CNTN5: variants seen among roughly 807,000 people sequenced by gnomAD.
CNTN5 encodes the protein contactin 5.
Under a neutral mutation model 129.1 loss-of-function variants are expected in CNTN5, and 77 were observed. The ratio of observed to expected loss-of-function variants is 0.60; its 90% CI spans 0.50 to 0.72. CNTN5 has a LOEUF of 0.72. CNTN5 is among the 30% of genes least tolerant of loss of function. The pLI, the probability that CNTN5 is intolerant of heterozygous loss-of-function variation, is 0.00. For synonymous variants in CNTN5, 509 were observed against 465.6 expected, an observed-to-expected ratio of 1.09 and a Z score of -1.20; for missense variants, 1,478 against 1,328.8, an observed-to-expected ratio of 1.11 and a Z score of -1.75.
intron 3 of CNTN5, among the ~76,000 whole-genome samples, chr11:99,758,269 C>T (rs978928921): frequency 1.3e-5 from 2 of 151,846 alleles, no homozygotes; most frequent in African/African-American, 4.8e-5. Context: ...TTTAATTGTT[C>T]AACCAATCAA....
intron 1 of CNTN5, among the ~76,000 whole-genome samples, chr11:99,265,330 A>T (rs1370641805): frequency 1.3e-5 from 2 of 152,064 alleles, no homozygotes; most frequent in Non-Finnish European, 2.9e-5. Context: ...AGTAAGAAAG[A>T]GTATAGATTT....
chr11:99,409,725 A>C (rs548768158), intron 2 of CNTN5, among the ~76,000 whole-genome samples: 1 of 152,200 alleles, frequency 6.6e-6, no homozygotes, highest in Non-Finnish European at 1.5e-5. Context: ...AACTCGTTGA[A>C]TTGCTTAGAG....
At chr11:100,053,870 C>A (rs139968227) in intron 9 of CNTN5, among the ~76,000 whole-genome samples, 3 of 151,674 alleles carry the variant, frequency 2.0e-5, no homozygotes, top group African/African-American at 4.8e-5. Flanking sequence ...ATATACTCCT[C>A]GGCGATTAAA....
At chr11:99,360,411 C>G (rs1939025534) in intron 2 of CNTN5, among the ~76,000 whole-genome samples, 1 of 152,192 alleles carries the variant, frequency 6.6e-6, no homozygotes, top group Non-Finnish European at 1.5e-5. Context: ...TGGGAGTTCT[C>G]TGTTCGGCTC....
chr11:99,114,215 A>G (rs201896663), intron 1 of CNTN5, among the ~76,000 whole-genome samples: 1 of 151,388 alleles, frequency 6.6e-6, no homozygotes, highest in East Asian at 1.9e-4. Flanking sequence ...TGCAGTACTG[A>G]TTTATTTTAA....
chr11:99,523,937 C>T (rs1237533296), intron 2 of CNTN5, among the ~76,000 whole-genome samples: 1 of 152,186 alleles, frequency 6.6e-6, no homozygotes, highest in Non-Finnish European at 1.5e-5. Flanking sequence ...GATTGATATT[C>T]TCTGAATAGC....
intron 2 of CNTN5, among the ~76,000 whole-genome samples, chr11:99,457,054 G>C (rs140202352): frequency 6.6e-6 from 1 of 152,050 alleles, no homozygotes; most frequent in East Asian, 1.9e-4. Context: ...TATGAATTAA[G>C]AAATTTTCTG....
chr11:100,227,661 C>T (rs1203382689), intron 16 of CNTN5, among the ~76,000 whole-genome samples: 1 of 152,166 alleles, frequency 6.6e-6, no homozygotes, highest in Non-Finnish European at 1.5e-5. Flanking sequence ...TCTGGAGAAC[C>T]ATAATAGAAT....
chr11:100,199,147 T>C (rs1948715873), intron 15 of CNTN5, among the ~76,000 whole-genome samples: 1 of 151,920 alleles, frequency 6.6e-6, no homozygotes, highest in African/African-American at 2.4e-5. Flanking sequence ...CTCTTCTTCA[T>C]CAACTTGGCA....
At position 99,394,752 on chromosome 11, in the gene CNTN5, A is replaced by G. The variant is rs116703840; in HGVS notation, c.-71+69268A>G. On this transcript the variant is annotated intron_variant, in intron 2 of 24. Transcript: ENST00000524871. ...ATAGTTCCCCTCCATGTGCTCATGT[A>G]TTCTCATTATTTAGTCCCAGTTATA... Among the ~76,000 whole-genome samples, 668 of 151,584 alleles carry G rather than the reference A, an allele frequency of 4.4e-3. 6 individuals carry two copies. The highest frequency in any genetic ancestry group is 0.015 in the African/African-American group (631 of 41,452).
chr11:99,238,720 G>A (rs547069960), intron 1 of CNTN5, among the ~76,000 whole-genome samples: 3 of 152,102 alleles, frequency 2.0e-5, no homozygotes, highest in Admixed American at 6.5e-5. Flanking sequence ...TCTTGGAAAT[G>A]GTAAAATTGA....
chr11:99,610,452 G>A lies in CNTN5; in HGVS notation c.55+54183G>A, dbSNP rs114628693. Reference sequence around the variant, plus strand: ...AAATGATGAATTTATGGAGGAAGGTGGATAGGGATCTTAGAACATATTTTG... The same window carrying A: ...AAATGATGAATTTATGGAGGAAGGTAGATAGGGATCTTAGAACATATTTTG... On this transcript the variant is annotated intron_variant, in intron 3 of 24. Transcript: ENST00000524871. Among the ~76,000 whole-genome samples the A allele has an allele frequency of 3.4e-3, 520 of 152,208 alleles. 6 individuals carry two copies. Among genetic ancestry groups the A allele is most frequent in the African/African-American group, 0.012 (501 of 41,548 alleles).
At chr11:99,123,658 T>TG (rs1401781049) in intron 1 of CNTN5, among the ~76,000 whole-genome samples, 1 of 113,102 alleles carries the variant, frequency 8.8e-6, no homozygotes, top group African/African-American at 3.8e-5. Context: ...TCCAGGGTTT[T>TG]TTTTTTTTTT....
chr11:99,088,766 G>T (rs1406908093), intron 1 of CNTN5, among the ~76,000 whole-genome samples: 1 of 152,182 alleles, frequency 6.6e-6, no homozygotes, highest in African/African-American at 2.4e-5. Context: ...GGTAGAAGAG[G>T]ATGAGAAATT....
chr11:100,222,209 T>C (rs971167203), intron 15 of CNTN5, among the ~76,000 whole-genome samples: 3 of 152,180 alleles, frequency 2.0e-5, no homozygotes, highest in African/African-American at 7.2e-5. Context: ...CAAATGGTCT[T>C]GATATTGATA....
chr11:100,095,910 A>G (rs933877320), intron 13 of CNTN5, among the ~76,000 whole-genome samples: 1 of 152,112 alleles, frequency 6.6e-6, no homozygotes, highest in Non-Finnish European at 1.5e-5. Context: ...CAGTTATAAT[A>G]AGTGTTTTAA....
intron 2 of CNTN5, among the ~76,000 whole-genome samples, chr11:99,469,533 G>A (rs1408656817): frequency 6.6e-6 from 1 of 151,732 alleles, no homozygotes; most frequent in Non-Finnish European, 1.5e-5. Flanking sequence ...TCTATGTTGG[G>A]ATAATATTTT....
intron 13 of CNTN5, among the ~76,000 whole-genome samples, chr11:100,124,125 G>A (rs752977152): frequency 3.9e-5 from 6 of 151,924 alleles, no homozygotes; most frequent in Non-Finnish European, 8.8e-5. Context: ...GAAACCCTCT[G>A]AGGGCAGTAC....
At chr11:100,324,892 T>G (rs1022260607) in intron 21 of CNTN5, among the ~76,000 whole-genome samples, 1 of 152,188 alleles carries the variant, frequency 6.6e-6, no homozygotes, top group African/African-American at 2.4e-5. Context: ...TTTATGTAAC[T>G]CATTAAATTG....
Sources: allele counts gnomAD v4.1 joint callset (sites outside exome capture counted in the v4.1 genomes callset), GRCh38; gene constraint gnomAD v4.1.1; transcripts MANE v1.5; gene names NCBI Gene and HGNC (gene_info 2026-07-23, HGNC 2026-07-21).